The following DIP2A variants were observed in gnomAD, a reference collection of about 807,000 sequenced individuals.
The protein encoded by DIP2A is disco-interacting protein 2 homolog A.
Under a neutral mutation model 177.4 loss-of-function variants are expected in DIP2A, and 85 were observed. That is an observed-to-expected ratio of 0.48 (90% CI 0.40 to 0.57). The LOEUF (loss-of-function observed/expected upper bound fraction) is 0.57. Among genes scored for constraint, DIP2A ranks in the 20% least tolerant of loss-of-function variants. The pLI is 0.00. For missense variants in DIP2A, 1,791 were observed against 2,100.2 expected, an observed-to-expected ratio of 0.85 and a Z score of 2.88; for synonymous variants, 886 against 881.8, an observed-to-expected ratio of 1.00 and a Z score of -0.08.
rs1385015208 is a variant in DIP2A, at chr21:46,567,526, C to T, written c.4620C>T (p.Ile1540=). 1 of 1,613,842 alleles carries T rather than the reference C, an allele frequency of 6.2e-7. No individual in the cohort carries two copies. The highest frequency in any genetic ancestry group is 1.1e-5 in the South Asian group (1 of 91,038). ...TGGTCATCGTGGACCCAGGGGTGAT[C>T]CCTATCAACTCTCGGGGTGAGAAGC... ...GVVVIVDPGV[I]PINSRGEKQR... is the part of the protein sequence containing the mutation. Residue 1540 remains isoleucine (I), a synonymous_variant, in exon 38 of 38, where the codon ATC becomes ATT. Transcript: ENST00000417564.
Position 46,558,333 on chromosome 21 carries a change from GC to G in DIP2A, c.3911del (p.Pro1304ArgfsTer5). ...FSKLFKDLGL[P>X]ARAVSTTFGC... ...CCAAGCTCTTCAAGGACCTGGGCCT[GC>G]CGGCCCGCGCCGTAAGCACCACGTT... On this transcript the variant is annotated frameshift_variant, in exon 32 of 38. Coordinates refer to ENST00000417564, the MANE Select transcript of DIP2A (RefSeq NM_015151.4). LOFTEE classifies it high-confidence loss of function. The G allele has an allele frequency of 6.2e-7, 1 of 1,606,244 alleles. No homozygotes were observed. Among genetic ancestry groups the G allele is most frequent in the Non-Finnish European group, 8.5e-7 (1 of 1,177,384 alleles).
rs559550193 is a variant in DIP2A at position 46,551,759 on chromosome 21, C to T, written c.2949+16C>T. 7.4e-6 allele frequency: 12 copies of T among 1,613,780 alleles called. No individual in the cohort carries two copies. The highest frequency in any genetic ancestry group is 1.0e-5 in the Non-Finnish European group (12 of 1,179,820). ...GGCACGGAAGGTGACAGGCCAGTTC[C>T]GGGGACGGGTGGACGGGTGTCTGTG... On this transcript the variant is annotated intron_variant, in intron 24 of 37. Transcript: ENST00000417564.
intron 1 of DIP2A, among the ~76,000 whole-genome samples, chr21:46,466,588 C>T (rs866026766): frequency 2.6e-5 from 4 of 151,862 alleles, no homozygotes; most frequent in East Asian, 1.9e-4. Context: ...CCTCGTGATC[C>T]GCCCGCATTG....
chr21:46,520,648 T>A (rs1346890375), intron 8 of DIP2A, among the ~76,000 whole-genome samples: 1 of 152,238 alleles, frequency 6.6e-6, no homozygotes, highest in Non-Finnish European at 1.5e-5. Flanking sequence ...TAGGGCAGCC[T>A]CTACAAAAGC....
intron 1 of DIP2A, among the ~76,000 whole-genome samples, chr21:46,461,140 TAAA>T (rs1000776687): frequency 6.6e-6 from 1 of 150,624 alleles, no homozygotes; most frequent in Non-Finnish European, 1.5e-5. Flanking sequence ...TCTACAGTAT[TAAA>T]AAAAATTAGC....
downstream of DIP2A, among the ~76,000 whole-genome samples, chr21:46,573,490 T>TCTCTACCAAA (rs544528438): frequency 2.8e-3 from 419 of 150,912 alleles, 2 homozygotes; most frequent in African/African-American, 1.0e-2. Flanking sequence ...AGAGACCACA[T>TCTCTACCAAA]CTCTACCAAA....
chr21:46,512,099 G>T (rs962852919), intron 8 of DIP2A, among the ~76,000 whole-genome samples: 13 of 152,082 alleles, frequency 8.5e-5, no homozygotes, highest in Non-Finnish European at 1.9e-4. Flanking sequence ...CTACTGTCCT[G>T]ACTGCCCACA....
At chr21:46,523,112 A>G (rs2058900826) in intron 8 of DIP2A, among the ~76,000 whole-genome samples, 1 of 151,712 alleles carries the variant, frequency 6.6e-6, no homozygotes, top group Non-Finnish European at 1.5e-5. Context: ...TTTAGTAGAG[A>G]TGGGGTTTCT....
chr21:46,534,748 C>A, intron 13 of DIP2A, 61 bp downstream of exon 13: 1 of 1,427,256 alleles, frequency 7.0e-7, no homozygotes. Flanking sequence ...CCTGACGTAC[C>A]TAATCATGTG....
chr21:46,557,523 A>G lies in DIP2A; in HGVS notation c.3630-62A>G. 2 of 1,534,920 alleles carry G rather than the reference A, an allele frequency of 1.3e-6. No homozygotes were observed. Among genetic ancestry groups the G allele is most frequent in the South Asian group, 1.2e-5 (1 of 83,648 alleles). ...AAAAGAAGTGTTCTTGAGGAAGGGA[A>G]GAGTGGAGTGCCCAGGGTGCTGGGT... On this transcript the variant is annotated intron_variant, in intron 30 of 37. Transcript: ENST00000417564. This position sits in a 1 kb window ranked among gnomAD's most constrained non-coding sequence, Gnocchi z 6.0.
In DIP2A at chr21:46,512,100, A is replaced by T. The variant is rs529096541; in HGVS notation, c.1102+486A>T. ...CACGCAAAGGGTAACTACTGTCCTG[A>T]CTGCCCACACTGTTGGCTTTACCTG... On this transcript the variant is annotated intron_variant, in intron 8 of 37. Transcript: ENST00000417564. 2.0e-5 allele frequency among the ~76,000 whole-genome samples: 3 copies of T among 152,196 alleles called. No homozygotes were observed. The South Asian group carries it at 6.2e-4, about 32-fold the overall frequency.
At chr21:46,477,875 G>A (rs182797661) in intron 1 of DIP2A, among the ~76,000 whole-genome samples, 34 of 152,034 alleles carry the variant, frequency 2.2e-4, no homozygotes, top group African/African-American at 8.0e-4. Context: ...GAGCCACCAC[G>A]CCCGGCCATC....
chr21:46,553,951 G>A (rs1057152551), intron 25 of DIP2A: 8 of 433,954 alleles, frequency 1.8e-5, no homozygotes, highest in Non-Finnish European at 2.8e-5. Flanking sequence ...ATCACTTGAG[G>A]TCAGGAGTTC....
intron 8 of DIP2A, among the ~76,000 whole-genome samples, chr21:46,515,832 G>A (rs998484775): frequency 4.6e-5 from 7 of 151,990 alleles, no homozygotes; most frequent in African/African-American, 1.5e-4. Context: ...TCCCATGCCC[G>A]GCCCATTGTT....
Position 46,497,077 on chromosome 21 carries a change from C to T in DIP2A, c.373C>T (p.His125Tyr), listed in dbSNP as rs762512866. 5 of 1,613,892 alleles carry T rather than the reference C, an allele frequency of 3.1e-6. No individual in the cohort carries two copies. The highest frequency in any genetic ancestry group is 4.2e-6 in the Non-Finnish European group (5 of 1,179,862). ...MPSKRRSVLV[H>Y]SSVETYTPPD... is the part of the protein sequence containing the mutation. ...TTCGAAGAGACGTTCTGTCCTTGTGCATTCGTCTGTGGAAACCTACACCCC... is the reference window on the plus strand; with the variant it reads ...TTCGAAGAGACGTTCTGTCCTTGTGTATTCGTCTGTGGAAACCTACACCCC... The change falls in exon 4 of 38, where the codon CAT becomes TAT. Residue 125 changes from histidine (H) to tyrosine (Y), a missense_variant. Coordinates refer to ENST00000417564, the MANE Select transcript of DIP2A (RefSeq NM_015151.4).
chr21:46,542,927 C>CT (rs1471131387), intron 18 of DIP2A, among the ~76,000 whole-genome samples: 2 of 152,232 alleles, frequency 1.3e-5, no homozygotes, highest in African/African-American at 4.8e-5. Flanking sequence ...GGTGCAGACC[C>CT]TGTCTGTGGG....
At chr21:46,529,064 A>G in intron 8 of DIP2A, 28 bp from the exon 9 acceptor site, 2 of 1,353,406 alleles carry the variant, frequency 1.5e-6, no homozygotes, top group South Asian at 2.9e-5. Context: ...TAAATTTTAC[A>G]TTGCTTAGTA....
At position 46,488,943 on chromosome 21, in the gene DIP2A, T is replaced by C. The variant is rs77919371; in HGVS notation, c.164-1657T>C. The stretch of plus-strand genomic sequence containing the variant: ...TCTGTGTATATGTCACTTTACAGCA[T>C]GCTTGTTTATCATCCATAAGGTGTA... On this transcript the variant is annotated intron_variant, in intron 2 of 37. Coordinates refer to ENST00000417564, the MANE Select transcript of DIP2A (RefSeq NM_015151.4). Among the ~76,000 whole-genome samples the C allele has an allele frequency of 1.8e-3, 268 of 152,362 alleles. 2 individuals carry two copies. The highest frequency in any genetic ancestry group is 2.8e-3 in the Non-Finnish European group (189 of 68,022).
At position 46,497,521 on chromosome 21, in the gene DIP2A, A is replaced by G. The variant is rs111440917; in HGVS notation, c.403+414A>G. ...AACCAGGACTTATATGCAACAGTATAAGACTATTTGGAAAGTTTTGCGGTT... is the reference window on the plus strand; with the variant it reads ...AACCAGGACTTATATGCAACAGTATGAGACTATTTGGAAAGTTTTGCGGTT... On this transcript the variant is annotated intron_variant, in intron 4 of 37. Transcript: ENST00000417564. Among the ~76,000 whole-genome samples, 262 of 152,340 alleles carry G rather than the reference A, an allele frequency of 1.7e-3. 3 individuals are homozygous for G. Among genetic ancestry groups the G allele is most frequent in the African/African-American group, 5.9e-3 (245 of 41,576 alleles).
Sources: gnomAD v4.1 joint callset for allele counts (sites outside exome capture counted in the v4.1 genomes callset) on GRCh38, gnomAD v4.1.1 for gene constraint, Gnocchi (gnomAD v3.1) non-coding constraint, MANE v1.5 for transcripts, NCBI Gene and HGNC (gene_info 2026-07-23, HGNC 2026-07-21) for gene names.